The following DDAH1 variants were observed in gnomAD, a reference collection of about 807,000 sequenced individuals.
DDAH1 encodes dimethylarginine dimethylaminohydrolase 1, also known as N(G),N(G)-dimethylarginine dimethylaminohydrolase 1.
Under a neutral mutation model 28.8 loss-of-function variants are expected in DDAH1, and 19 were observed. That is an observed-to-expected ratio of 0.66 (90% CI 0.46 to 0.97). DDAH1 has a LOEUF of 0.97. DDAH1 is among the 50% of genes least tolerant of loss of function. The pLI is 0.00. For missense variants in DDAH1, 326 were observed against 375.9 expected (o/e 0.87, Z 1.10); for synonymous variants, 153 against 154.4 (o/e 0.99, Z 0.07).
intron 1 of DDAH1, among the ~76,000 whole-genome samples, chr1:85,559,169 T>C (rs943930942): frequency 6.6e-6 from 1 of 152,106 alleles, no homozygotes; most frequent in East Asian, 1.9e-4. Flanking sequence ...GCTTTTGAAA[T>C]TGCACACCTG....
At chr1:85,401,080 C>T (rs1456283035) in intron 1 of DDAH1, among the ~76,000 whole-genome samples, 1 of 152,144 alleles carries the variant, frequency 6.6e-6, no homozygotes, top group African/African-American at 2.4e-5. Flanking sequence ...GAACATTGGG[C>T]TAAAGAGTGA....
At chr1:85,326,992 A>G (rs1185706534) in intron 4 of DDAH1, among the ~76,000 whole-genome samples, 6 of 152,270 alleles carry the variant, frequency 3.9e-5, no homozygotes, top group Admixed American at 3.9e-4. Context: ...AGAATAAAAA[A>G]ACAGACCCAA....
At chr1:85,456,850 C>T (rs1428014134) in intron 1 of DDAH1, among the ~76,000 whole-genome samples, 1 of 152,226 alleles carries the variant, frequency 6.6e-6, no homozygotes, top group Non-Finnish European at 1.5e-5. Context: ...ACAGGACCCC[C>T]CCACCCTCCA....
rs1649195491 is a variant in DDAH1 at position 85,351,454 on chromosome 1, ATTAT to A, written c.477+48_477+51del. On this transcript the variant is annotated intron_variant, in intron 3 of 5. Coordinates refer to ENST00000284031, the MANE Select transcript of DDAH1 (RefSeq NM_012137.4). ...ATGACATTGATTCAATGGTTCTATG[ATTAT>A]TTATTAAGTAATTGCTTTGTGCCAG... is the stretch of plus-strand genomic sequence containing the variant. 1.0e-5 allele frequency: 14 copies of A among 1,394,678 alleles called. No individual in the cohort carries two copies. The Admixed American group carries it at 2.0e-4, about 20-fold the overall frequency. The allele number at this position is 1,394,678 out of a possible 1,614,324, so 86.4% of individuals were successfully genotyped here.
At chr1:85,395,357 A>T (rs1165730457) in intron 1 of DDAH1, among the ~76,000 whole-genome samples, 2 of 152,242 alleles carry the variant, frequency 1.3e-5, no homozygotes, top group African/African-American at 2.4e-5. Flanking sequence ...GCCCTAAGGT[A>T]GAATGACTGG....
chr1:85,420,117 G>A (rs561146276), intron 1 of DDAH1, among the ~76,000 whole-genome samples: 87 of 152,176 alleles, frequency 5.7e-4, no homozygotes, highest in Non-Finnish European at 9.4e-4. Context: ...GCAGTGTCCC[G>A]AGGCTGTGCA....
At chr1:85,355,813 A>G (rs1324837032) in intron 2 of DDAH1, among the ~76,000 whole-genome samples, 2 of 152,222 alleles carry the variant, frequency 1.3e-5, no homozygotes, top group Admixed American at 6.6e-5. Flanking sequence ...GAACTACACA[A>G]CATTGAAAAT....
At chr1:85,443,407 C>T (rs1365011983) in intron 1 of DDAH1, among the ~76,000 whole-genome samples, 2 of 152,238 alleles carry the variant, frequency 1.3e-5, no homozygotes, top group East Asian at 1.9e-4. Flanking sequence ...GGTACCAGTA[C>T]CATGCTGTTT....
At chr1:85,566,684 C>A (rs1028346844) in intron 1 of DDAH1, among the ~76,000 whole-genome samples, 3 of 151,894 alleles carry the variant, frequency 2.0e-5, no homozygotes, top group Admixed American at 6.6e-5. Context: ...GATTTCAGAA[C>A]AAAGAATATT....
intron 1 of DDAH1, among the ~76,000 whole-genome samples, chr1:85,540,178 C>T (rs1408805094): frequency 1.3e-5 from 2 of 152,006 alleles, no homozygotes; most frequent in African/African-American, 2.4e-5. Flanking sequence ...AGAGTATCAT[C>T]CCCATTTTAA....
chr1:85,456,058 C>G (rs1654865910), intron 1 of DDAH1, among the ~76,000 whole-genome samples: 1 of 151,936 alleles, frequency 6.6e-6, no homozygotes, highest in South Asian at 2.1e-4. Flanking sequence ...CTTTCCCACC[C>G]TACACTTTCT....
At chr1:85,574,891 CTATATA>C (rs66578208) in intron 1 of DDAH1, among the ~76,000 whole-genome samples, 5 of 149,486 alleles carry the variant, frequency 3.3e-5, no homozygotes, top group Non-Finnish European at 7.5e-5. Flanking sequence ...CTCTCTCTCT[CTATATA>C]TATATATATG....
chr1:85,436,192 T>C (rs1007621503), intron 1 of DDAH1, among the ~76,000 whole-genome samples: 3 of 152,142 alleles, frequency 2.0e-5, no homozygotes. Flanking sequence ...TAACAGAATA[T>C]TAGGCCAGGC....
intron 1 of DDAH1, among the ~76,000 whole-genome samples, chr1:85,400,676 A>C (rs1474269639): frequency 6.6e-6 from 1 of 152,162 alleles, no homozygotes; most frequent in Non-Finnish European, 1.5e-5. Context: ...CTTAGTAGTA[A>C]TCACATTTTC....
At chr1:85,426,182 G>A (rs914851110) in intron 1 of DDAH1, among the ~76,000 whole-genome samples, 2 of 152,062 alleles carry the variant, frequency 1.3e-5, no homozygotes, top group Non-Finnish European at 2.9e-5. Context: ...TTTCCTTTAT[G>A]TTTTCCCATT....
At chr1:85,458,691 A>G (rs369278357) in intron 1 of DDAH1, among the ~76,000 whole-genome samples, 1 of 152,272 alleles carries the variant, frequency 6.6e-6, no homozygotes, top group East Asian at 1.9e-4. Context: ...TTAATATCTA[A>G]TATCAGTTTA....
At chr1:85,424,426 C>A (rs990914735) in intron 1 of DDAH1, among the ~76,000 whole-genome samples, 1 of 152,058 alleles carries the variant, frequency 6.6e-6, no homozygotes, top group African/African-American at 2.4e-5. Context: ...AATTATGCAA[C>A]CTGATTATCT....
In DDAH1 at chr1:85,464,694, G is replaced by A. The variant is rs1410929289; in HGVS notation, c.303+49C>T. ...CAGGCAACACGGCGGCCGGCGGCGG[G>A]GGAGGGCCTGGCGCGCGCCCCGGCC... is the stretch of plus-strand genomic sequence containing the variant. On this transcript the variant is annotated intron_variant, in intron 1 of 5. Coordinates refer to ENST00000284031, the MANE Select transcript of DDAH1 (RefSeq NM_012137.4). The surrounding 1 kb of genome is among the most constrained non-coding windows in gnomAD (Gnocchi z 4.4). The A allele has an allele frequency of 4.2e-6, 6 of 1,432,066 alleles. No individual in the cohort carries two copies. The African/African-American group carries it at 5.9e-5, about 14-fold the overall frequency. The allele number at this position is 1,432,066 out of a possible 1,614,324, so 88.7% of individuals were successfully genotyped here.
At chr1:85,420,496 T>C (rs891734630) in intron 1 of DDAH1, among the ~76,000 whole-genome samples, 1 of 152,176 alleles carries the variant, frequency 6.6e-6, no homozygotes, top group African/African-American at 2.4e-5. Flanking sequence ...ATAGATACCC[T>C]AGGTCATCAC....
Sources: allele counts gnomAD v4.1 joint callset (sites outside exome capture counted in the v4.1 genomes callset), GRCh38; gene constraint gnomAD v4.1.1; non-coding constraint Gnocchi (gnomAD v3.1); transcripts MANE v1.5; gene names NCBI Gene and HGNC (gene_info 2026-07-23, HGNC 2026-07-21).